Variants in DPP10 observed in about 807,000 individuals in gnomAD.
DPP10 encodes inactive dipeptidyl peptidase 10.
DPP10 carries 33 observed loss-of-function variants against 120.9 expected under a neutral mutation model. That is an observed-to-expected ratio of 0.27 (90% CI 0.21 to 0.37). The LOEUF (loss-of-function observed/expected upper bound fraction) is 0.37. Ranked by LOEUF, DPP10 falls within the 10% of genes least tolerant of loss-of-function variation. DPP10 has a pLI of 1.00. For missense variants in DPP10, 816 were observed against 942.8 expected (o/e 0.87, Z 1.76); for synonymous variants, 337 against 326.1 (o/e 1.03, Z -0.36).
At chr2:115,519,937 T>C (rs1034562669) in intron 4 of DPP10, among the ~76,000 whole-genome samples, 7 of 152,220 alleles carry the variant, frequency 4.6e-5, no homozygotes, top group Non-Finnish European at 8.8e-5. Flanking sequence ...TCCAAAATGA[T>C]AGATGGCTTT....
At chr2:114,564,535 T>C (rs966470729) in intron 1 of DPP10, among the ~76,000 whole-genome samples, 1 of 152,278 alleles carries the variant, frequency 6.6e-6, no homozygotes, top group East Asian at 1.9e-4. Context: ...ACCCGGCAGA[T>C]CACAGGCCTT....
At chr2:114,844,800 A>T (rs918800528) in intron 1 of DPP10, among the ~76,000 whole-genome samples, 1 of 152,036 alleles carries the variant, frequency 6.6e-6, no homozygotes, top group East Asian at 1.9e-4. Context: ...AAGGACTTCA[A>T]TTCTGGTAAG....
intron 1 of DPP10, among the ~76,000 whole-genome samples, chr2:114,722,357 A>G (rs1330114021): frequency 6.6e-6 from 1 of 152,180 alleles, no homozygotes; most frequent in East Asian, 1.9e-4. Context: ...TTTCAGGTAG[A>G]GAAGATCTGA....
At chr2:114,530,012 A>G (rs947942650) in intron 1 of DPP10, among the ~76,000 whole-genome samples, 1 of 152,200 alleles carries the variant, frequency 6.6e-6, no homozygotes, top group Non-Finnish European at 1.5e-5. Context: ...TGCAAAGAAC[A>G]TGATCTCATT....
intron 13 of DPP10, 42 bp from the exon 14 acceptor site, chr2:115,777,165 TG>T (rs980642846): frequency 7.0e-6 from 11 of 1,560,352 alleles, no homozygotes; most frequent in Non-Finnish European, 9.7e-6. Context: ...AGAGAGATGC[TG>T]TTTAAATGAA....
At chr2:114,822,216 G>A (rs112117753) in intron 1 of DPP10, among the ~76,000 whole-genome samples, 8,005 of 152,196 alleles carry the variant, frequency 0.053, 670 homozygotes, top group African/African-American at 0.18. Context: ...CCAAACCTCA[G>A]TTCATGACTT....
At chr2:114,663,913 G>A (rs935306877) in intron 1 of DPP10, among the ~76,000 whole-genome samples, 2 of 140,956 alleles carry the variant, frequency 1.4e-5, no homozygotes, top group African/African-American at 6.4e-5. Context: ...ATAAGCACTC[G>A]ATAAATCATA....
intron 3 of DPP10, among the ~76,000 whole-genome samples, chr2:115,461,357 T>A (rs1437625316): frequency 6.6e-6 from 1 of 152,150 alleles, no homozygotes; most frequent in East Asian, 1.9e-4. Flanking sequence ...ATGGGTAGAT[T>A]TTGTTATATG....
At chr2:114,914,955 C>A (rs975452987) in intron 1 of DPP10, among the ~76,000 whole-genome samples, 3 of 152,092 alleles carry the variant, frequency 2.0e-5, no homozygotes, top group East Asian at 1.9e-4. Flanking sequence ...AACGGTGAAA[C>A]CCCGTCTCTA....
rs924840547 is a variant in DPP10 at position 115,773,342 on chromosome 2, A to G, written c.1222-3866A>G. Among the ~76,000 whole-genome samples, 4 of 152,122 alleles carry G rather than the reference A, an allele frequency of 2.6e-5. No individual in the cohort carries two copies. The South Asian group carries it at 8.3e-4, about 32-fold the overall frequency. On this transcript the variant is annotated intron_variant, in intron 13 of 25. Coordinates refer to ENST00000410059, the MANE Select transcript of DPP10 (RefSeq NM_020868.6). The stretch of plus-strand genomic sequence containing the variant: ...GTTTCCAATTTGTAAATCGCATTAT[A>G]AAACCAATATTTAACTTCCTTGAGC...
intron 1 of DPP10, among the ~76,000 whole-genome samples, chr2:114,449,358 A>C (rs979751495): frequency 1.3e-5 from 2 of 152,190 alleles, no homozygotes; most frequent in African/African-American, 4.8e-5. Context: ...ACACAGCATA[A>C]TATTACATTA....
chr2:115,165,078 AT>A (rs1336967498), intron 1 of DPP10, among the ~76,000 whole-genome samples: 1 of 152,232 alleles, frequency 6.6e-6, no homozygotes, highest in Non-Finnish European at 1.5e-5. Context: ...CAATATCTCA[AT>A]TAACATTGAA....
intron 1 of DPP10, among the ~76,000 whole-genome samples, chr2:114,942,402 CAT>C (rs61579596): frequency 0.3 from 38,748 of 127,600 alleles, 5,890 homozygotes; most frequent in East Asian, 0.47. Flanking sequence ...CACACACACA[CAT>C]ATATATATAT....
chr2:115,123,442 G>A (rs1253914660), intron 1 of DPP10, among the ~76,000 whole-genome samples: 3 of 152,150 alleles, frequency 2.0e-5, no homozygotes, highest in Non-Finnish European at 4.4e-5. Context: ...CATTTGCAGT[G>A]CAGTTACTGA....
chr2:114,793,326 C>T (rs551527166), intron 1 of DPP10, among the ~76,000 whole-genome samples: 6 of 152,006 alleles, frequency 3.9e-5, no homozygotes, highest in South Asian at 2.1e-4. Flanking sequence ...AGCCCCAGTG[C>T]GTGATGTTCC....
At chr2:115,349,093 T>C (rs965759399) in intron 3 of DPP10, among the ~76,000 whole-genome samples, 1 of 152,128 alleles carries the variant, frequency 6.6e-6, no homozygotes, top group South Asian at 2.1e-4. Context: ...GTATATGTAA[T>C]GGGATAGAAG....
At chr2:115,825,989 G>A (rs6542294) in intron 21 of DPP10, among the ~76,000 whole-genome samples, 147,953 of 152,342 alleles carry the variant, frequency 0.97, 72,020 homozygotes, top group East Asian at 1. Flanking sequence ...GTTACTTTGT[G>A]AAGCAGGAAC....
intron 1 of DPP10, among the ~76,000 whole-genome samples, chr2:115,108,118 T>G (rs1225296401): frequency 6.6e-6 from 1 of 152,176 alleles, no homozygotes; most frequent in East Asian, 1.9e-4. Flanking sequence ...ATATGGACCC[T>G]CCATAGATAT....
In DPP10 at chr2:115,393,438, A is replaced by C. The variant is rs555305845; in HGVS notation, c.271+49526A>C. On this transcript the variant is annotated intron_variant, in intron 3 of 25. Transcript: ENST00000410059. ...AATGACCATCGAATGTTTTAGTGGT[A>C]GACTAGAAACTGAAGCCACCTTCCA... is the stretch of plus-strand genomic sequence containing the variant. Among the ~76,000 whole-genome samples, 61 of 152,366 alleles carry C rather than the reference A, an allele frequency of 4.0e-4. 1 individual carries two copies. In the South Asian group the frequency reaches 7.7e-3, roughly 19 times the overall value.
Sources: gnomAD v4.1 joint callset for allele counts (sites outside exome capture counted in the v4.1 genomes callset) on GRCh38, gnomAD v4.1.1 for gene constraint, MANE v1.5 for transcripts, NCBI Gene and HGNC (gene_info 2026-07-23, HGNC 2026-07-21) for gene names.